Variants in ESR2 observed in about 807,000 individuals in gnomAD.
ESR2 encodes the protein estrogen receptor 2.
In ESR2, 36 loss-of-function variants were observed where a neutral mutation model predicts 49.6. The ratio of observed to expected loss-of-function variants is 0.73; its 90% CI spans 0.56 to 0.96. The LOEUF is 0.96. Among genes scored for constraint, ESR2 ranks in the 40% least tolerant of loss-of-function variants. ESR2 has a pLI of 0.00. For synonymous variants in ESR2, 320 were observed against 266.1 expected (o/e 1.20, Z -1.97); for missense variants, 714 against 693.0 (o/e 1.03, Z -0.34).
intron 1 of ESR2, among the ~76,000 whole-genome samples, chr14:64,333,711 G>A (rs1018106277): frequency 3.3e-5 from 5 of 152,014 alleles, no homozygotes; most frequent in Non-Finnish European, 7.4e-5. Flanking sequence ...TCACTACGAC[G>A]AGAACAACAG....
At chr14:64,253,042 G>A (rs556042367) in intron 6 of ESR2, among the ~76,000 whole-genome samples, 1 of 151,992 alleles carries the variant, frequency 6.6e-6, no homozygotes, top group African/African-American at 2.4e-5. Flanking sequence ...TTTTAGTAGA[G>A]AAGGGGTTTC....
At chr14:64,325,783 T>A (rs543651771) in intron 1 of ESR2, among the ~76,000 whole-genome samples, 1 of 152,300 alleles carries the variant, frequency 6.6e-6, no homozygotes, top group Admixed American at 6.5e-5. Context: ...ACTTAATGAT[T>A]AGTAAATATA....
intron 1 of ESR2, among the ~76,000 whole-genome samples, chr14:64,300,035 A>C (rs2077004776): frequency 6.6e-6 from 1 of 152,178 alleles, no homozygotes; most frequent in Non-Finnish European, 1.5e-5. Flanking sequence ...TGCTCCACGT[A>C]TTCTACCACG....
chr14:64,266,347 G>A (rs2076326750), intron 4 of ESR2, among the ~76,000 whole-genome samples: 1 of 152,186 alleles, frequency 6.6e-6, no homozygotes, highest in South Asian at 2.1e-4. Flanking sequence ...TGAAAACCAA[G>A]GGCCAAAGAG....
chr14:64,318,481 G>A (rs1346700951), intron 1 of ESR2, among the ~76,000 whole-genome samples: 5 of 121,450 alleles, frequency 4.1e-5, no homozygotes, highest in Non-Finnish European at 7.9e-5. Flanking sequence ...AAGTTGCAGT[G>A]AGCCAAGATC....
At chr14:64,261,710 C>T (rs1185616852) in intron 4 of ESR2, among the ~76,000 whole-genome samples, 2 of 152,200 alleles carry the variant, frequency 1.3e-5, no homozygotes. Context: ...TGAGCCACTG[C>T]ACCCAGCCTT....
intron 7 of ESR2, among the ~76,000 whole-genome samples, chr14:64,248,000 C>G (rs2075900915): frequency 6.6e-6 from 1 of 152,142 alleles, no homozygotes; most frequent in Admixed American, 6.5e-5. Context: ...TTGAGACCAG[C>G]TTGGCCAACA....
downstream of ESR2, chr14:64,226,714 T>TTTTTTTGG (rs2098721209): frequency 3.9e-5 from 5 of 127,172 alleles, no homozygotes; most frequent in South Asian, 1.2e-3. Flanking sequence ...TTTGACAGAG[T>TTTTTTTGG]CTCACTCTGT....
intron 4 of ESR2, among the ~76,000 whole-genome samples, chr14:64,261,202 T>C (rs2076213361): frequency 6.6e-6 from 1 of 151,064 alleles, no homozygotes; most frequent in Non-Finnish European, 1.5e-5. Context: ...TGGCATAAAC[T>C]CTTTCAGTCT....
chr14:64,243,068 C>T (rs958045733), intron 7 of ESR2, among the ~76,000 whole-genome samples: 1 of 152,186 alleles, frequency 6.6e-6, no homozygotes, highest in Non-Finnish European at 1.5e-5. Flanking sequence ...CCACCAGGTC[C>T]CTCCCACAAC....
intron 1 of ESR2, among the ~76,000 whole-genome samples, chr14:64,306,309 T>C (rs1182378970): frequency 6.6e-6 from 1 of 152,234 alleles, no homozygotes; most frequent in Non-Finnish European, 1.5e-5. Flanking sequence ...TTAATTTGTC[T>C]TTTTTCTCAT....
chr14:64,270,932 T>C (rs2076433681), intron 3 of ESR2, among the ~76,000 whole-genome samples: 4 of 152,252 alleles, frequency 2.6e-5, no homozygotes, highest in African/African-American at 9.6e-5. Flanking sequence ...TGTTGCAGCA[T>C]TGTCCATTAT....
chr14:64,267,959 G>C (rs2076365372), intron 4 of ESR2, among the ~76,000 whole-genome samples: 1 of 151,340 alleles, frequency 6.6e-6, no homozygotes, highest in African/African-American at 2.4e-5. Context: ...TAATTACACA[G>C]AGAAATTACA....
intron 1 of ESR2, among the ~76,000 whole-genome samples, chr14:64,335,029 T>C (rs1386930724): frequency 2.0e-5 from 3 of 152,216 alleles, no homozygotes; most frequent in African/African-American, 7.2e-5. Context: ...ATAATGGTTT[T>C]TCCTAAAGTA....
chr14:64,289,880 ATTC>A (rs1358751164), intron 1 of ESR2, among the ~76,000 whole-genome samples: 1 of 152,144 alleles, frequency 6.6e-6, no homozygotes, highest in Non-Finnish European at 1.5e-5. Context: ...CCTCATCCCT[ATTC>A]TTCTTCCACC....
intron 1 of ESR2, among the ~76,000 whole-genome samples, chr14:64,326,395 A>G (rs1442443754): frequency 6.6e-6 from 1 of 152,146 alleles, no homozygotes; most frequent in African/African-American, 2.4e-5. Context: ...TTTGTGATTC[A>G]TGTGTGTACT....
chr14:64,288,591 G>T (rs192744247), intron 1 of ESR2, among the ~76,000 whole-genome samples: 1 of 151,726 alleles, frequency 6.6e-6, no homozygotes, highest in Non-Finnish European at 1.5e-5. Context: ...CTCGTGACCC[G>T]CCCGCCTTGG....
intron 1 of ESR2, among the ~76,000 whole-genome samples, chr14:64,289,706 G>T (rs933821212): frequency 5.5e-5 from 5 of 91,530 alleles, no homozygotes; most frequent in African/African-American, 9.5e-5. Flanking sequence ...TTTACTTTTT[G>T]ACTTCTGTCC....
rs1301220867 is a variant in ESR2, at chr14:64,232,457, C to T, written c.*680G>A. The T allele has an allele frequency of 6.6e-6, 1 of 152,286 alleles. No homozygotes were observed. The highest frequency in any genetic ancestry group is 1.5e-5 in the Non-Finnish European group (1 of 68,070). The allele number at this position is 152,286 out of a possible 1,614,324, so 9.4% of individuals were successfully genotyped here. A position where few individuals can be genotyped will look rare whatever the true frequency, so the allele number is the denominator to read the frequency against. On this transcript the variant is annotated 3_prime_UTR_variant, in exon 9 of 9. Coordinates refer to ENST00000341099, the MANE Select transcript of ESR2 (RefSeq NM_001437.3). ...GAAAATGATCACACGCTCATACACA[C>T]ATACCCCAAATTATTGGCAGGCTCT...
Sources: gnomAD v4.1 joint callset for allele counts (sites outside exome capture counted in the v4.1 genomes callset) on GRCh38, gnomAD v4.1.1 for gene constraint, MANE v1.5 for transcripts, NCBI Gene and HGNC (gene_info 2026-07-23, HGNC 2026-07-21) for gene names.